Variants in EML6 observed in about 807,000 individuals in gnomAD.
EML6 encodes echinoderm microtubule-associated protein-like 6.
In EML6, 154 loss-of-function variants were observed where a neutral mutation model predicts 240.1. The ratio of observed to expected loss-of-function variants is 0.64; its 90% CI spans 0.56 to 0.73. The LOEUF is 0.73. Among genes scored for constraint, EML6 ranks in the 30% least tolerant of loss-of-function variants. The pLI is 0.00. For synonymous variants in EML6, 1,148 were observed against 899.0 expected (o/e 1.28, Z -4.95); for missense variants, 2,964 against 2,474.6 (o/e 1.20, Z -4.20).
At chr2:54,883,109 G>A (rs574517917) in intron 17 of EML6, among the ~76,000 whole-genome samples, 34 of 151,664 alleles carry the variant, frequency 2.2e-4, no homozygotes, top group African/African-American at 7.0e-4. Context: ...GATCATTATA[G>A]AAAAATTAGC....
intron 2 of EML6, among the ~76,000 whole-genome samples, chr2:54,726,424 G>C (rs1354507635): frequency 6.9e-6 from 1 of 145,418 alleles, no homozygotes; most frequent in Non-Finnish European, 1.5e-5. Context: ...CCTTCCTAAT[G>C]ATGTGCTTAT....
chr2:54,848,245 C>A (rs1349273432), intron 9 of EML6, among the ~76,000 whole-genome samples: 1 of 152,086 alleles, frequency 6.6e-6, no homozygotes, highest in Non-Finnish European at 1.5e-5. Flanking sequence ...CTTGTAATTC[C>A]TCTGAATGCA....
intron 2 of EML6, among the ~76,000 whole-genome samples, chr2:54,732,977 G>T (rs921515581): frequency 6.6e-6 from 1 of 152,222 alleles, no homozygotes; most frequent in African/African-American, 2.4e-5. Flanking sequence ...AAAGCAGGGG[G>T]AGTTGTAACA....
chr2:54,864,338 T>G (rs1296904836), intron 13 of EML6, among the ~76,000 whole-genome samples: 1 of 152,206 alleles, frequency 6.6e-6, no homozygotes, highest in Non-Finnish European at 1.5e-5. Context: ...ATTATCCATT[T>G]AATCAAAGTA....
chr2:54,894,283 T>A (rs571836707), intron 19 of EML6, among the ~76,000 whole-genome samples: 1 of 151,856 alleles, frequency 6.6e-6, no homozygotes, highest in African/African-American at 2.4e-5. Flanking sequence ...CAAAAAATTA[T>A]AAGCTTAGAA....
chr2:54,820,233 T>G (rs1474813646), intron 4 of EML6, among the ~76,000 whole-genome samples, 161 bp from the exon 5 acceptor site: 2 of 152,222 alleles, frequency 1.3e-5, no homozygotes, highest in Non-Finnish European at 2.9e-5. Flanking sequence ...AACGTGTGTG[T>G]TAGTTCCTGA....
At chr2:54,791,252 C>T (rs751588389) in intron 2 of EML6, among the ~76,000 whole-genome samples, 3 of 152,144 alleles carry the variant, frequency 2.0e-5, no homozygotes, top group Admixed American at 6.5e-5. Flanking sequence ...CGGGAAGTGA[C>T]GGCACAGTTA....
At chr2:54,736,686 G>C (rs941840110) in intron 2 of EML6, among the ~76,000 whole-genome samples, 5 of 152,142 alleles carry the variant, frequency 3.3e-5, no homozygotes, top group African/African-American at 1.2e-4. Flanking sequence ...ACAGCACTGG[G>C]TCAGCTGATC....
chr2:54,749,448 T>A (rs1439225368), intron 2 of EML6, among the ~76,000 whole-genome samples: 1 of 152,172 alleles, frequency 6.6e-6, no homozygotes, highest in Non-Finnish European at 1.5e-5. Context: ...TTTATCATAC[T>A]GTCTTTTCTA....
intron 2 of EML6, among the ~76,000 whole-genome samples, chr2:54,729,684 A>G (rs1440712241): frequency 2.0e-5 from 3 of 152,150 alleles, no homozygotes; most frequent in Non-Finnish European, 2.9e-5. Context: ...GGCCTCTTAT[A>G]TTGTGGTCCC....
At chr2:54,901,212 G>A (rs1449364209) in intron 22 of EML6, among the ~76,000 whole-genome samples, 1 of 152,160 alleles carries the variant, frequency 6.6e-6, no homozygotes, top group Non-Finnish European at 1.5e-5. Context: ...CATTTAGTAG[G>A]TAATGGAACC....
intron 28 of EML6, among the ~76,000 whole-genome samples, chr2:54,944,806 C>T: frequency 6.6e-6 from 1 of 152,024 alleles, no homozygotes; most frequent in East Asian, 1.9e-4. Context: ...GGAATACACT[C>T]AACAGAGTCC....
chr2:54,925,286 C>T (rs1273693039), intron 26 of EML6, among the ~76,000 whole-genome samples: 3 of 152,156 alleles, frequency 2.0e-5, no homozygotes, highest in Non-Finnish European at 4.4e-5. Flanking sequence ...TTGGCCAGCA[C>T]CTTCATCTTG....
intron 26 of EML6, among the ~76,000 whole-genome samples, chr2:54,919,252 C>CA (rs926742899): frequency 1.4e-5 from 2 of 146,390 alleles, no homozygotes; most frequent in South Asian, 2.3e-4. Flanking sequence ...TCCCCCCCCC[C>CA]CCAATCCTTT....
At chr2:54,903,590 G>A in intron 24 of EML6, 88 bp downstream of exon 24, 2 of 1,028,402 alleles carry the variant, frequency 1.9e-6, no homozygotes, top group South Asian at 1.7e-5. Context: ...TGGCAGTTGA[G>A]TGTTAGAAAT....
At chr2:54,838,554 T>G (rs1403763214) in intron 7 of EML6, among the ~76,000 whole-genome samples, 1 of 152,242 alleles carries the variant, frequency 6.6e-6, no homozygotes, top group Non-Finnish European at 1.5e-5. Flanking sequence ...TAATGAGGTC[T>G]GATTTGATAT....
At position 54,894,940 on chromosome 2, in the gene EML6, G is replaced by C. The variant is rs1573091809; in HGVS notation, c.2768G>C (p.Gly923Ala). The C allele has an allele frequency of 6.4e-7, 1 of 1,551,134 alleles. No homozygotes were observed. The highest frequency in any genetic ancestry group is 1.4e-5 in the African/African-American group (1 of 73,008). The change falls in exon 20 of 42, where the codon GGC (glycine) becomes GCC (alanine). Residue 923 changes from glycine (G) to alanine (A), a missense_variant. Gly to Ala is a moderately conservative substitution (Grantham distance 60). Coordinates refer to ENST00000356458, the MANE Select transcript of EML6 (RefSeq NM_001039753.4). The stretch of plus-strand genomic sequence containing the variant: ...GGCTTTGTAACAGGTGGAAAGGACG[G>C]CATCGTGGAGCTCTGGGATGATATG... Reference protein sequence around the residue: ...DKGFVTGGKDGIVELWDDMFE... With the variant: ...DKGFVTGGKDAIVELWDDMFE...
chr2:54,755,185 G>A (rs1684344522), intron 2 of EML6, among the ~76,000 whole-genome samples: 1 of 152,156 alleles, frequency 6.6e-6, no homozygotes, highest in Non-Finnish European at 1.5e-5. Context: ...TCATAAATCA[G>A]GCAGCCCTAA....
chr2:54,954,413 C>G (rs115015338), intron 32 of EML6, among the ~76,000 whole-genome samples: 9 of 152,112 alleles, frequency 5.9e-5, no homozygotes, highest in African/African-American at 2.2e-4. Flanking sequence ...GGAGGTTCCC[C>G]GATGTTGGCA....
Sources: allele counts gnomAD v4.1 joint callset (sites outside exome capture counted in the v4.1 genomes callset), GRCh38; gene constraint gnomAD v4.1.1; transcripts MANE v1.5; gene names NCBI Gene and HGNC (gene_info 2026-07-23, HGNC 2026-07-21).